The following CTNND2 variants were observed in gnomAD, a reference collection of about 807,000 sequenced individuals.
The protein encoded by CTNND2 is catenin delta 2.
Under a neutral mutation model 144.4 loss-of-function variants are expected in CTNND2, and 22 were observed. That is an observed-to-expected ratio of 0.15 (90% confidence interval 0.11 to 0.22). The LOEUF is 0.22. CTNND2 is among the 10% of genes least tolerant of loss of function. CTNND2 has a pLI of 1.00. For synonymous variants in CTNND2, 751 were observed against 695.6 expected, an observed-to-expected ratio of 1.08 and a Z score of -1.25; for missense variants, 1,353 against 1,618.8, an observed-to-expected ratio of 0.84 and a Z score of 2.82.
intron 2 of CTNND2, among the ~76,000 whole-genome samples, chr5:11,719,200 T>C (rs1226976616): frequency 1.3e-5 from 2 of 152,330 alleles, no homozygotes; most frequent in East Asian, 3.9e-4. Flanking sequence ...AATGTATCAC[T>C]TTTTCCATCA....
intron 3 of CTNND2, among the ~76,000 whole-genome samples, chr5:11,531,265 T>TAC (rs1479718895): frequency 1.3e-5 from 2 of 151,962 alleles, no homozygotes; most frequent in Admixed American, 6.6e-5. Flanking sequence ...TAAAGGACCC[T>TAC]ACACAGGTGA....
chr5:11,422,002 T>G (rs2149855048), intron 3 of CTNND2, among the ~76,000 whole-genome samples: 1 of 152,274 alleles, frequency 6.6e-6, no homozygotes, highest in Non-Finnish European at 1.5e-5. Context: ...GAACATAGGA[T>G]GCAGGACTGC....
At chr5:11,083,128 G>C (rs1749768457) in intron 15 of CTNND2, among the ~76,000 whole-genome samples, 1 of 152,222 alleles carries the variant, frequency 6.6e-6, no homozygotes, top group Non-Finnish European at 1.5e-5. Flanking sequence ...CCATTTGCGT[G>C]ATGCGTATAC....
chr5:11,155,912 C>T (rs1157658526), intron 12 of CTNND2, among the ~76,000 whole-genome samples: 3 of 152,202 alleles, frequency 2.0e-5, no homozygotes, highest in African/African-American at 7.2e-5. Context: ...GATATAGCTT[C>T]CCATGAAGAT....
At chr5:11,804,244 T>C (rs1239828606) in intron 1 of CTNND2, among the ~76,000 whole-genome samples, 1 of 152,172 alleles carries the variant, frequency 6.6e-6, no homozygotes, top group Admixed American at 6.5e-5. Context: ...TCTCATTCAC[T>C]GCTGATGGGA....
intron 1 of CTNND2, among the ~76,000 whole-genome samples, chr5:11,893,280 T>C (rs1243815334): frequency 6.6e-6 from 1 of 152,206 alleles, no homozygotes; most frequent in East Asian, 1.9e-4. Flanking sequence ...GCCATCTCAG[T>C]TGGAAATCCA....
Position 11,862,337 on chromosome 5 carries a change from A to G in CTNND2, c.37+41480T>C, listed in dbSNP as rs1795541088. On this transcript the variant is annotated intron_variant, in intron 1 of 21. Coordinates refer to ENST00000304623, the MANE Select transcript of CTNND2 (RefSeq NM_001332.4). ...CTTGTTATAGTAATTCATGTTTACT[A>G]TAGTATTTTCAGGACAGCTGGTCAA... 2.6e-5 allele frequency among the ~76,000 whole-genome samples: 4 copies of G among 152,200 alleles called. No individual in the cohort carries two copies. The South Asian group carries it at 8.3e-4, about 31-fold the overall frequency.
intron 3 of CTNND2, among the ~76,000 whole-genome samples, chr5:11,471,026 G>GGAGT (rs1352727747): frequency 7.2e-5 from 10 of 138,418 alleles, no homozygotes; most frequent in Non-Finnish European, 1.5e-4. Context: ...CGCTGAGGCT[G>GGAGT]GAGTGCAGTG....
At chr5:11,224,651 G>C (rs987565446) in intron 10 of CTNND2, among the ~76,000 whole-genome samples, 1 of 152,120 alleles carries the variant, frequency 6.6e-6, no homozygotes, top group Non-Finnish European at 1.5e-5. Context: ...CTAGTATCCT[G>C]GTGGCCAACC....
At chr5:11,147,580 G>A (rs966055638) in intron 12 of CTNND2, among the ~76,000 whole-genome samples, 1 of 151,894 alleles carries the variant, frequency 6.6e-6, no homozygotes, top group Non-Finnish European at 1.5e-5. Context: ...AAATAAAATG[G>A]TGAAATCTGT....
intron 3 of CTNND2, among the ~76,000 whole-genome samples, chr5:11,517,845 A>T (rs1772316568): frequency 6.6e-6 from 1 of 152,176 alleles, no homozygotes; most frequent in Admixed American, 6.5e-5. Context: ...AAGAAAAAAG[A>T]TCTCTCCTTT....
chr5:11,625,689 A>G (rs1781118732), intron 2 of CTNND2, among the ~76,000 whole-genome samples: 1 of 152,168 alleles, frequency 6.6e-6, no homozygotes, highest in African/African-American at 2.4e-5. Context: ...AGACTGGATG[A>G]AACTAGTTTC....
intron 1 of CTNND2, among the ~76,000 whole-genome samples, chr5:11,871,486 G>C (rs888414492): frequency 6.6e-6 from 1 of 152,154 alleles, no homozygotes; most frequent in Non-Finnish European, 1.5e-5. Context: ...ATAAAATAAA[G>C]ACTGTAAAGA....
At chr5:11,636,605 G>A (rs1347352534) in intron 2 of CTNND2, among the ~76,000 whole-genome samples, 1 of 152,130 alleles carries the variant, frequency 6.6e-6, no homozygotes, top group Non-Finnish European at 1.5e-5. Context: ...TGGTACAATT[G>A]GCAAGTTAAC....
intron 12 of CTNND2, among the ~76,000 whole-genome samples, chr5:11,157,596 C>T (rs1758341596): frequency 6.6e-6 from 1 of 152,238 alleles, no homozygotes; most frequent in African/African-American, 2.4e-5. Context: ...GATAAAACTG[C>T]TGCATAGCAG....
chr5:11,760,898 T>C (rs1789222966), intron 1 of CTNND2, among the ~76,000 whole-genome samples: 2 of 152,182 alleles, frequency 1.3e-5, no homozygotes, highest in African/African-American at 2.4e-5. Flanking sequence ...ATTGGTTGAA[T>C]GAATGAACGA....
intron 2 of CTNND2, among the ~76,000 whole-genome samples, chr5:11,683,851 G>C (rs1784527128): frequency 6.6e-6 from 1 of 152,174 alleles, no homozygotes; most frequent in South Asian, 2.1e-4. Context: ...CTCTAGGTCA[G>C]AGCCCTGAGT....
Position 11,904,094 on chromosome 5 carries a change from G to T in CTNND2, c.-241C>A. 5.5e-6 allele frequency: 1 copy of T among 180,422 alleles called. No homozygotes were observed. Among genetic ancestry groups the T allele is most frequent in the Non-Finnish European group, 1.1e-5 (1 of 91,548 alleles). 11.2% of individuals were successfully genotyped at this position (180,422 alleles called of 1,614,324 possible). A position where few individuals can be genotyped will look rare whatever the true frequency, so the allele number is the denominator to read the frequency against. ...CCCCTCCGAGCTCGGCGAGCGCAGCGCCCCCTGCCCGGCTCCGCGGGCTCC... is the reference window on the plus strand; with the variant it reads ...CCCCTCCGAGCTCGGCGAGCGCAGCTCCCCCTGCCCGGCTCCGCGGGCTCC... On this transcript the variant is annotated 5_prime_UTR_variant, in exon 1 of 22. Coordinates refer to ENST00000304623, the MANE Select transcript of CTNND2 (RefSeq NM_001332.4). This position sits in a 1 kb window ranked among gnomAD's most constrained non-coding sequence, Gnocchi z 4.2.
intron 16 of CTNND2, 86 bp downstream of exon 16, chr5:11,082,610 C>A (rs1749693719): frequency 6.8e-7 from 1 of 1,466,562 alleles, no homozygotes; most frequent in Admixed American, 2.0e-5. Flanking sequence ...TAAGCATAGG[C>A]TATGCATACG....
Sources: allele counts gnomAD v4.1 joint callset (sites outside exome capture counted in the v4.1 genomes callset), GRCh38; gene constraint gnomAD v4.1.1; non-coding constraint Gnocchi (gnomAD v3.1); transcripts MANE v1.5; gene names NCBI Gene and HGNC (gene_info 2026-07-23, HGNC 2026-07-21).